The following PLCXD3 variants were observed in gnomAD, a reference collection of about 807,000 sequenced individuals.
The protein encoded by PLCXD3 is phosphatidylinositol specific phospholipase C X domain containing 3.
In PLCXD3, 19 loss-of-function variants were observed where a neutral mutation model predicts 25.5. The ratio of observed to expected loss-of-function variants is 0.75; its 90% CI spans 0.52 to 1.09. The LOEUF (loss-of-function observed/expected upper bound fraction) is 1.09. Ranked by LOEUF, PLCXD3 falls within the 50% of genes least tolerant of loss-of-function variation. The probability of loss-of-function intolerance (pLI) is 0.00; values close to 1 mark genes in which losing one functional copy is unlikely to be tolerated. For missense variants in PLCXD3, 411 were observed against 388.1 expected, an observed-to-expected ratio of 1.06 and a Z score of -0.50; for synonymous variants, 174 against 137.6, an observed-to-expected ratio of 1.26 and a Z score of -1.85.
At chr5:41,417,015 C>T (rs1281471122) in intron 1 of PLCXD3, among the ~76,000 whole-genome samples, 6 of 152,122 alleles carry the variant, frequency 3.9e-5, no homozygotes, top group Non-Finnish European at 5.9e-5. Flanking sequence ...ATGGTGGGGA[C>T]ATTTAAGGTT....
At chr5:41,344,741 T>C (rs1158882787) in intron 2 of PLCXD3, among the ~76,000 whole-genome samples, 2 of 151,344 alleles carry the variant, frequency 1.3e-5, no homozygotes, top group Non-Finnish European at 2.9e-5. Flanking sequence ...TAGAAAAAAA[T>C]ATCCTAATTC....
intron 2 of PLCXD3, among the ~76,000 whole-genome samples, chr5:41,346,101 G>A (rs1008767403): frequency 3.3e-5 from 5 of 151,982 alleles, no homozygotes; most frequent in African/African-American, 9.7e-5. Context: ...GGCTGGTCTC[G>A]AACTCCTGAC....
intron 1 of PLCXD3, among the ~76,000 whole-genome samples, chr5:41,402,666 A>G (rs1561262123): frequency 6.6e-6 from 1 of 151,940 alleles, no homozygotes; most frequent in East Asian, 1.9e-4. Context: ...TAAAATGTCT[A>G]ACAAAATTGT....
chr5:41,436,925 C>T (rs1372295947), intron 1 of PLCXD3, among the ~76,000 whole-genome samples: 1 of 152,172 alleles, frequency 6.6e-6, no homozygotes, highest in African/African-American at 2.4e-5. Flanking sequence ...AACATATATA[C>T]TTAAATGAAA....
intron 2 of PLCXD3, among the ~76,000 whole-genome samples, chr5:41,348,935 G>A (rs997451004): frequency 6.6e-6 from 1 of 152,150 alleles, no homozygotes; most frequent in African/African-American, 2.4e-5. Context: ...GGTCTAAAAA[G>A]GTCAAATAAT....
At chr5:41,374,836 T>G (rs1341365455) in intron 2 of PLCXD3, among the ~76,000 whole-genome samples, 1 of 152,126 alleles carries the variant, frequency 6.6e-6, no homozygotes, top group Non-Finnish European at 1.5e-5. Flanking sequence ...GGACATGGCC[T>G]AGGGTGGAAG....
intron 1 of PLCXD3, among the ~76,000 whole-genome samples, chr5:41,430,494 T>G (rs1379746383): frequency 2.6e-5 from 4 of 152,192 alleles, no homozygotes. Context: ...CATCTTCTTC[T>G]GAGATCAGGG....
chr5:41,408,035 T>G (rs1194803082), intron 1 of PLCXD3, among the ~76,000 whole-genome samples: 1 of 152,186 alleles, frequency 6.6e-6, no homozygotes, highest in Non-Finnish European at 1.5e-5. Context: ...ACTTGCTGGG[T>G]CATTTCTTTA....
At position 41,473,186 on chromosome 5, in the gene PLCXD3, C is replaced by G. The variant is rs958631507; in HGVS notation, c.103+37238G>C. Among the ~76,000 whole-genome samples, 5 of 151,884 alleles carry G rather than the reference C, an allele frequency of 3.3e-5. No homozygotes were observed. The East Asian group carries it at 9.6e-4, about 29-fold the overall frequency. On this transcript the variant is annotated intron_variant, in intron 1 of 2. Transcript: ENST00000377801. ...CTAAATTAGCCACCAAGTGGAAAAT[C>G]CATAGGCAGATAATTGAGGATTAAC...
At chr5:41,395,893 C>T (rs2150497900) in intron 1 of PLCXD3, among the ~76,000 whole-genome samples, 1 of 151,742 alleles carries the variant, frequency 6.6e-6, no homozygotes, top group East Asian at 1.9e-4. Context: ...ATAACAAATA[C>T]CAATCTGATT....
chr5:41,413,666 A>G (rs1746619309), intron 1 of PLCXD3, among the ~76,000 whole-genome samples: 1 of 152,132 alleles, frequency 6.6e-6, no homozygotes, highest in Non-Finnish European at 1.5e-5. Flanking sequence ...CTTGGTCATA[A>G]AAGTGTTTCT....
chr5:41,478,047 T>A (rs922685946), intron 1 of PLCXD3, among the ~76,000 whole-genome samples: 1 of 152,184 alleles, frequency 6.6e-6, no homozygotes, highest in Admixed American at 6.5e-5. Flanking sequence ...TGACAAAGTA[T>A]AGCAATGGCT....
At chr5:41,377,295 AC>A (rs1195772191) in intron 2 of PLCXD3, among the ~76,000 whole-genome samples, 2 of 151,808 alleles carry the variant, frequency 1.3e-5, no homozygotes, top group Non-Finnish European at 2.9e-5. Flanking sequence ...CAGATAGTGA[AC>A]CCCTAATAAT....
At chr5:41,315,887 C>T (rs1220536259) in intron 2 of PLCXD3, among the ~76,000 whole-genome samples, 1 of 152,208 alleles carries the variant, frequency 6.6e-6, no homozygotes, top group Non-Finnish European at 1.5e-5. Context: ...AATCACAGAT[C>T]CCAGCAGTCA....
Position 41,307,691 on chromosome 5 carries a change from G to A in PLCXD3, c.*5926C>T, listed in dbSNP as rs1393982813. 6.6e-6 allele frequency: 1 copy of A among 152,154 alleles called. No homozygotes were observed. Among genetic ancestry groups the A allele is most frequent in the Non-Finnish European group, 1.5e-5 (1 of 68,034 alleles). The allele number at this position is 152,154 out of a possible 1,614,324, so 9.4% of individuals were successfully genotyped here. On this transcript the variant is annotated 3_prime_UTR_variant, in exon 3 of 3. Transcript: ENST00000377801. ...ACTCTTTTATTCTTCCAGCAGTGAA[G>A]ACAGTTCCTATGTCACCTTTCTACA...
intron 2 of PLCXD3, among the ~76,000 whole-genome samples, chr5:41,345,711 C>G (rs1037491206): frequency 9.9e-5 from 15 of 151,872 alleles, no homozygotes; most frequent in Non-Finnish European, 4.4e-5. Context: ...CACACACACA[C>G]ACACACACAT....
intron 1 of PLCXD3, among the ~76,000 whole-genome samples, chr5:41,436,803 G>A (rs1251167102): frequency 2.6e-5 from 4 of 152,072 alleles, no homozygotes; most frequent in Admixed American, 2.6e-4. Context: ...TTTTTCCAAA[G>A]AAAATTTAAA....
At chr5:41,505,213 G>A (rs1399948303) in intron 1 of PLCXD3, among the ~76,000 whole-genome samples, 1 of 151,876 alleles carries the variant, frequency 6.6e-6, no homozygotes, top group African/African-American at 2.4e-5. Flanking sequence ...AGAGCTGTGT[G>A]TGAGTGTGTG....
At chr5:41,442,753 T>G (rs1747411853) in intron 1 of PLCXD3, among the ~76,000 whole-genome samples, 1 of 152,158 alleles carries the variant, frequency 6.6e-6, no homozygotes, top group African/African-American at 2.4e-5. Context: ...TTCTGTCTCA[T>G]TAGCTAGCCC....
Sources: gnomAD v4.1 joint callset for allele counts (sites outside exome capture counted in the v4.1 genomes callset) on GRCh38, gnomAD v4.1.1 for gene constraint, MANE v1.5 for transcripts, NCBI Gene and HGNC (gene_info 2026-07-23, HGNC 2026-07-21) for gene names.